RABEPK: variants seen among roughly 807,000 people sequenced by gnomAD.
RABEPK encodes the protein Rab9 effector protein with kelch motifs, also known as 40 kDa Rab9 effector protein.
A neutral mutation model predicts 34.1 loss-of-function variants in RABEPK; 27 were observed. The ratio of observed to expected loss-of-function variants is 0.79; its 90% CI spans 0.58 to 1.09. The LOEUF (loss-of-function observed/expected upper bound fraction) is 1.09. Among genes scored for constraint, RABEPK ranks in the 50% least tolerant of loss-of-function variants. RABEPK has a pLI of 0.00. For synonymous variants in RABEPK, 172 were observed against 169.2 expected (o/e 1.02, Z -0.13); for missense variants, 449 against 462.6 (o/e 0.97, Z 0.27).
chr9:125,208,688 AC>A (rs1830400136), intron 3 of RABEPK, among the ~76,000 whole-genome samples: 1 of 147,830 alleles, frequency 6.8e-6, no homozygotes, highest in African/African-American at 2.5e-5. Flanking sequence ...GGCGCCCACC[AC>A]TACACCCAGC....
At chr9:125,222,713 C>CAAAA (rs756826019) in intron 5 of RABEPK, among the ~76,000 whole-genome samples, 2 of 48,380 alleles carry the variant, frequency 4.1e-5, no homozygotes, top group Admixed American at 2.4e-4. Flanking sequence ...GACTCTGTAT[C>CAAAA]AAAAAAAAAA....
Position 125,232,650 on chromosome 9 carries a change from C to T in RABEPK, c.731C>T (p.Ala244Val). 1 of 1,614,148 alleles carries T rather than the reference C, an allele frequency of 6.2e-7. No individual in the cohort carries two copies. Among genetic ancestry groups the T allele is most frequent in the East Asian group, 2.2e-5 (1 of 44,884 alleles). Residue 244 changes from alanine to valine, a missense_variant, in exon 7 of 8, where the codon GCT (alanine) becomes GTT (valine). Physicochemically the swap from Ala to Val is moderately conservative, Grantham distance 64. Transcript: ENST00000373538. ...ACTGGGGCTGCTCCAGCAGGCTGTG[C>T]TGCCCACTCAGCTGTGGCCATGGGA... ...NPTGAAPAGC[A>V]AHSAVAMGKH...
chr9:125,207,105 A>G (rs1483144970), intron 2 of RABEPK, among the ~76,000 whole-genome samples: 1 of 151,738 alleles, frequency 6.6e-6, no homozygotes, highest in Non-Finnish European at 1.5e-5. Context: ...AAAAAAAAAA[A>G]GAACCATTGC....
At chr9:125,225,713 C>T (rs1347093763) in intron 5 of RABEPK, among the ~76,000 whole-genome samples, 5 of 152,088 alleles carry the variant, frequency 3.3e-5, no homozygotes, top group Non-Finnish European at 5.9e-5. Context: ...GTAATCCCAG[C>T]ACTTTGGGAG....
chr9:125,210,403 C>CAA (rs775128302), intron 3 of RABEPK, among the ~76,000 whole-genome samples: 14 of 67,772 alleles, frequency 2.1e-4, no homozygotes, highest in African/African-American at 2.4e-4. Flanking sequence ...GTCTCCGTCT[C>CAA]AAAAAAAAAA....
chr9:125,216,665 G>A (rs1039571945), intron 4 of RABEPK, among the ~76,000 whole-genome samples: 2 of 151,870 alleles, frequency 1.3e-5, no homozygotes, highest in Non-Finnish European at 2.9e-5. Flanking sequence ...AACACTGTCC[G>A]AAATAAAGTA....
chr9:125,213,317 C>A (rs1024582947), intron 3 of RABEPK, 53 bp from the exon 4 acceptor site: 8 of 1,576,362 alleles, frequency 5.1e-6, no homozygotes, highest in Middle Eastern at 3.4e-4. Context: ...AGTGTGCCAA[C>A]CAATATAATA....
intron 3 of RABEPK, among the ~76,000 whole-genome samples, chr9:125,211,312 G>T: frequency 6.6e-6 from 1 of 151,444 alleles, no homozygotes. Context: ...ACCATGCCCC[G>T]CTAATTTTTG....
In RABEPK at chr9:125,202,830, C is replaced by CAAAT. The variant is rs199722623; in HGVS notation, c.-6-155_-6-152dup. On this transcript the variant is annotated intron_variant, in intron 1 of 7. Transcript: ENST00000373538. ...GGGCAACGAGAGCTAAACTCCATCT[C>CAAAT]AAATAAATAAATAAATAAATAAATA... 1.1e-3 allele frequency among the ~76,000 whole-genome samples: 166 copies of CAAAT among 151,454 alleles called. 3 individuals are homozygous for CAAAT. In the South Asian group the frequency reaches 0.021, roughly 19 times the overall value.
Position 125,223,618 on chromosome 9 carries a change from C to A in RABEPK, c.526+2918C>A, listed in dbSNP as rs191728172. ...TGCTGACTCATGCCTATAATCCCATCGGCTCAGGAGGCTGGAGGACCGCTT... is the reference window on the plus strand; with the variant it reads ...TGCTGACTCATGCCTATAATCCCATAGGCTCAGGAGGCTGGAGGACCGCTT... On this transcript the variant is annotated intron_variant, in intron 5 of 7. Coordinates refer to ENST00000373538, the MANE Select transcript of RABEPK (RefSeq NM_005833.4). Among the ~76,000 whole-genome samples the A allele has an allele frequency of 2.0e-5, 3 of 151,530 alleles. No individual in the cohort carries two copies. The South Asian group carries it at 6.3e-4, about 32-fold the overall frequency.
intron 3 of RABEPK, among the ~76,000 whole-genome samples, chr9:125,208,920 A>G (rs1224489467): frequency 1.3e-5 from 2 of 152,084 alleles, no homozygotes; most frequent in African/African-American, 4.8e-5. Context: ...AACTAGACTT[A>G]CAAGAGCCTC....
chr9:125,220,024 A>T (rs1588378952), intron 4 of RABEPK, among the ~76,000 whole-genome samples: 1 of 151,540 alleles, frequency 6.6e-6, no homozygotes, highest in East Asian at 1.9e-4. Context: ...TTTAATATGG[A>T]GCCTTGCTCT....
Position 125,232,656 on chromosome 9 carries a change from A to ACTCAG in RABEPK, c.740_744dup (p.Val249GlnfsTer15), listed in dbSNP as rs1368267117. ...GCTGCTCCAGCAGGCTGTGCTGCCC[A>ACTCAG]CTCAGCTGTGGCCATGGGAAAACAT... is the stretch of plus-strand genomic sequence containing the variant. On this transcript the variant is annotated frameshift_variant, in exon 7 of 8. Coordinates refer to ENST00000373538, the MANE Select transcript of RABEPK (RefSeq NM_005833.4). LOFTEE classifies it high-confidence loss of function. The ACTCAG allele has an allele frequency of 1.9e-6, 3 of 1,613,994 alleles. No homozygotes were observed. In the African/African-American group the frequency reaches 4.0e-5, roughly 22 times the overall value.
At chr9:125,225,417 C>T (rs943882780) in intron 5 of RABEPK, among the ~76,000 whole-genome samples, 4 of 151,840 alleles carry the variant, frequency 2.6e-5, no homozygotes, top group Admixed American at 2.0e-4. Flanking sequence ...GATGCAGTGG[C>T]TCATGCCTGT....
intron 6 of RABEPK, among the ~76,000 whole-genome samples, chr9:125,232,247 G>GAC (rs1564200854): frequency 1.0e-5 from 1 of 98,906 alleles, no homozygotes; most frequent in African/African-American, 3.8e-5. Context: ...CACACACACA[G>GAC]AGACAGAGAG....
At chr9:125,223,180 T>A (rs1831477663) in intron 5 of RABEPK, among the ~76,000 whole-genome samples, 2 of 152,114 alleles carry the variant, frequency 1.3e-5, no homozygotes, top group Non-Finnish European at 2.9e-5. Context: ...CTCAGGAGGC[T>A]GAGGCAGCAG....
chr9:125,209,979 A>G (rs546533305), intron 3 of RABEPK, among the ~76,000 whole-genome samples: 1 of 152,222 alleles, frequency 6.6e-6, no homozygotes, highest in East Asian at 1.9e-4. Context: ...TCTGCCCCAC[A>G]AGAACATAAG....
intron 6 of RABEPK, among the ~76,000 whole-genome samples, chr9:125,231,279 G>A (rs1037805025): frequency 6.6e-6 from 1 of 151,896 alleles, no homozygotes; most frequent in Non-Finnish European, 1.5e-5. Context: ...GGGTAACAGA[G>A]TGAGACTCTG....
At chr9:125,217,448 T>C (rs1290099716) in intron 4 of RABEPK, among the ~76,000 whole-genome samples, 3 of 152,134 alleles carry the variant, frequency 2.0e-5, no homozygotes, top group Non-Finnish European at 4.4e-5. Flanking sequence ...TTGCCAAGGC[T>C]GGAGTGCAGT....
Sources: gnomAD v4.1 joint callset for allele counts (sites outside exome capture counted in the v4.1 genomes callset) on GRCh38, gnomAD v4.1.1 for gene constraint, MANE v1.5 for transcripts, NCBI Gene and HGNC (gene_info 2026-07-23, HGNC 2026-07-21) for gene names.